Variants in NALF1 observed in about 807,000 individuals in gnomAD.
The protein encoded by NALF1 is family with sequence similarity 155 member A.
Under a neutral mutation model 48.4 loss-of-function variants are expected in NALF1, and 3 were observed. The observed-to-expected ratio is 0.06, with a 90% CI of 0.03 to 0.16. The LOEUF (loss-of-function observed/expected upper bound fraction) is 0.16, where lower values mean the gene tolerates loss of function less well. Ranked by LOEUF, NALF1 falls within the 10% of genes least tolerant of loss-of-function variation. The pLI is 1.00. For missense variants in NALF1, 526 were observed against 571.5 expected (o/e 0.92, Z 0.81); for synonymous variants, 262 against 245.7 (o/e 1.07, Z -0.62).
intron 1 of NALF1, among the ~76,000 whole-genome samples, chr13:107,482,833 G>A (rs1566360554): frequency 6.6e-6 from 1 of 152,130 alleles, no homozygotes; most frequent in Non-Finnish European, 1.5e-5. Context: ...TACTGGCAAC[G>A]TGCACTATGA....
intron 1 of NALF1, among the ~76,000 whole-genome samples, chr13:107,830,141 C>T (rs2138626148): frequency 6.6e-6 from 1 of 152,292 alleles, no homozygotes; most frequent in East Asian, 1.9e-4. Context: ...TCCCTTTCTA[C>T]CGCCTCTTGT....
intron 1 of NALF1, among the ~76,000 whole-genome samples, chr13:107,374,238 C>A (rs897971361): frequency 3.3e-4 from 50 of 152,174 alleles, no homozygotes; most frequent in Non-Finnish European, 5.9e-5. Flanking sequence ...TTCTCCCCAG[C>A]ATAGCTTGCT....
chr13:107,853,403 T>C (rs1880366861), intron 1 of NALF1, among the ~76,000 whole-genome samples: 1 of 152,236 alleles, frequency 6.6e-6, no homozygotes, highest in Admixed American at 6.5e-5. Flanking sequence ...TTTGTCTCAA[T>C]TGTAGTTATT....
intron 1 of NALF1, among the ~76,000 whole-genome samples, chr13:107,775,055 T>G (rs1216640780): frequency 1.3e-5 from 2 of 152,174 alleles, no homozygotes; most frequent in Non-Finnish European, 2.9e-5. Flanking sequence ...ATTTCATGTA[T>G]TCTTTATTTT....
intron 1 of NALF1, among the ~76,000 whole-genome samples, chr13:107,408,042 C>G (rs1440175725): frequency 1.3e-5 from 2 of 151,714 alleles, no homozygotes; most frequent in African/African-American, 4.8e-5. Context: ...TTTGGGGGAG[C>G]TAAAAATTAA....
intron 1 of NALF1, among the ~76,000 whole-genome samples, chr13:107,526,451 G>A (rs1876445603): frequency 6.6e-6 from 1 of 152,042 alleles, no homozygotes; most frequent in African/African-American, 2.4e-5. Context: ...TCCTTGTACA[G>A]GGTAGTTATT....
chr13:107,808,966 A>T (rs567623204), intron 1 of NALF1, among the ~76,000 whole-genome samples: 9 of 152,272 alleles, frequency 5.9e-5, no homozygotes, highest in South Asian at 4.1e-4. Context: ...CTTCAAGAAT[A>T]GGGCTAACAA....
chr13:107,442,532 T>C (rs953612636), intron 1 of NALF1, among the ~76,000 whole-genome samples: 2 of 152,144 alleles, frequency 1.3e-5, no homozygotes, highest in Non-Finnish European at 2.9e-5. Flanking sequence ...TTTAATGAAG[T>C]TGATGCCTGA....
chr13:107,360,339 ATTGTATTAC>A (rs1432234166), intron 1 of NALF1, among the ~76,000 whole-genome samples: 14 of 152,230 alleles, frequency 9.2e-5, no homozygotes, highest in Middle Eastern at 3.4e-3. Context: ...CAGACCCCAA[ATTGTATTAC>A]TCTTCACTTC....
chr13:107,204,632 A>G (rs2138798128), intron 2 of NALF1, among the ~76,000 whole-genome samples: 1 of 152,334 alleles, frequency 6.6e-6, no homozygotes, highest in Non-Finnish European at 1.5e-5. Context: ...ATAAACCTCA[A>G]AAAGTACAAT....
chr13:107,178,044 CA>C (rs534165256), intron 2 of NALF1, among the ~76,000 whole-genome samples: 286 of 141,062 alleles, frequency 2.0e-3, no homozygotes, highest in African/African-American at 6.1e-3. Context: ...AAGACTGTCT[CA>C]AAAAAAAAAA....
intron 1 of NALF1, among the ~76,000 whole-genome samples, chr13:107,701,807 A>C (rs893557936): frequency 6.6e-6 from 1 of 152,212 alleles, no homozygotes; most frequent in African/African-American, 2.4e-5. Context: ...CCATTTAACT[A>C]TATATAATTA....
At chr13:107,546,272 T>C (rs1443413962) in intron 1 of NALF1, among the ~76,000 whole-genome samples, 1 of 152,156 alleles carries the variant, frequency 6.6e-6, no homozygotes, top group African/African-American at 2.4e-5. Context: ...GCTCTTATAA[T>C]AACACACACC....
intron 1 of NALF1, among the ~76,000 whole-genome samples, chr13:107,734,410 A>G (rs1267742309): frequency 7.1e-6 from 1 of 140,348 alleles, no homozygotes; most frequent in Non-Finnish European, 1.6e-5. Flanking sequence ...TTAAAAAAAA[A>G]CACACACACA....
At chr13:107,683,295 C>T (rs9520549) in intron 1 of NALF1, among the ~76,000 whole-genome samples, 51,598 of 151,994 alleles carry the variant, frequency 0.34, 8,908 homozygotes, top group East Asian at 0.43. Context: ...GACATAATTG[C>T]AGACATAAGA....
At chr13:107,582,973 TC>T (rs550377068) in intron 1 of NALF1, among the ~76,000 whole-genome samples, 2 of 152,102 alleles carry the variant, frequency 1.3e-5, no homozygotes, top group Non-Finnish European at 2.9e-5. Flanking sequence ...TATCACCTTT[TC>T]CCCCCTCTCT....
At chr13:107,711,492 C>T (rs576120661) in intron 1 of NALF1, among the ~76,000 whole-genome samples, 45 of 152,322 alleles carry the variant, frequency 3.0e-4, no homozygotes, top group South Asian at 4.1e-4. Flanking sequence ...TGCACCACCA[C>T]GCCCGGCTAA....
chr13:107,626,602 T>C (rs1879680636), intron 1 of NALF1, among the ~76,000 whole-genome samples: 1 of 152,090 alleles, frequency 6.6e-6, no homozygotes, highest in Non-Finnish European at 1.5e-5. Context: ...AAGAATAAAA[T>C]GTCATCATCT....
intron 1 of NALF1, among the ~76,000 whole-genome samples, chr13:107,734,844 G>A (rs894023128): frequency 1.3e-5 from 2 of 152,090 alleles, no homozygotes; most frequent in Non-Finnish European, 2.9e-5. Context: ...GAGTAATACT[G>A]TATTAGATCC....
Sources: gnomAD v4.1 joint callset for allele counts (sites outside exome capture counted in the v4.1 genomes callset) on GRCh38, gnomAD v4.1.1 for gene constraint, MANE v1.5 for transcripts, NCBI Gene and HGNC (gene_info 2026-07-23, HGNC 2026-07-21) for gene names.